The following CCDC171 variants were observed in gnomAD, a reference collection of about 807,000 sequenced individuals.
CCDC171 encodes the protein coiled-coil domain-containing protein 171.
Under a neutral mutation model 168.2 loss-of-function variants are expected in CCDC171, and 177 were observed. The observed-to-expected ratio is 1.05, with a 90% confidence interval of 0.93 to 1.19. The LOEUF is 1.19. Ranked by LOEUF, CCDC171 falls within the 50% of genes most tolerant of loss-of-function variation. CCDC171 has a pLI of 0.00. For synonymous variants in CCDC171, 687 were observed against 540.8 expected, an observed-to-expected ratio of 1.27 and a Z score of -3.75; for missense variants, 1,991 against 1,539.0, an observed-to-expected ratio of 1.29 and a Z score of -4.91.
chr9:16,001,613 C>G (rs1403844529), intron 3 of CCDC171, among the ~76,000 whole-genome samples: 1 of 151,762 alleles, frequency 6.6e-6, no homozygotes, highest in African/African-American at 2.4e-5. Context: ...GATGGTGGTC[C>G]CAATGGTGGT....
At chr9:15,761,204 A>C (rs2056427243) in intron 18 of CCDC171, among the ~76,000 whole-genome samples, 1 of 152,290 alleles carries the variant, frequency 6.6e-6, no homozygotes, top group East Asian at 1.9e-4. Context: ...AGATGACCCA[A>C]ATATACCCCT....
chr9:15,986,718 T>C (rs1927702), intron 3 of CCDC171, among the ~76,000 whole-genome samples: 75,250 of 151,998 alleles, frequency 0.5, 20,027 homozygotes, highest in African/African-American at 0.71. Context: ...GAGAACTTTC[T>C]TGCTGACTTA....
chr9:15,845,060 A>T (rs776557735), intron 21 of CCDC171, among the ~76,000 whole-genome samples: 6 of 152,100 alleles, frequency 3.9e-5, no homozygotes, highest in Admixed American at 6.6e-5. Flanking sequence ...CATTAGTTTG[A>T]TCTTCATATT....
At chr9:15,887,969 G>C (rs1325799621) in intron 24 of CCDC171, 1 of 152,178 alleles carries the variant, frequency 6.6e-6, no homozygotes, top group Non-Finnish European at 1.5e-5. Context: ...GTATGAGAGA[G>C]GGCCCTCAAG....
intron 21 of CCDC171, among the ~76,000 whole-genome samples, chr9:15,845,144 C>A (rs1206846613): frequency 6.6e-5 from 10 of 151,998 alleles, no homozygotes; most frequent in Admixed American, 6.6e-4. Flanking sequence ...AAGGATTTTA[C>A]TTTTTTAAAT....
intron 11 of CCDC171, among the ~76,000 whole-genome samples, chr9:15,700,577 G>C (rs2051646606): frequency 1.3e-5 from 2 of 152,260 alleles, no homozygotes; most frequent in African/African-American, 4.8e-5. Flanking sequence ...CGAGGGCTGT[G>C]AGGACTGCCA....
At chr9:15,677,927 A>ATATATATATATATATAT (rs1491415268) in intron 9 of CCDC171, among the ~76,000 whole-genome samples, 3 of 29,268 alleles carry the variant, frequency 1.0e-4, no homozygotes, top group Non-Finnish European at 1.7e-4. Flanking sequence ...TATATATATA[A>ATATATATATATATATAT]GAGATGTGGT....
At chr9:15,650,232 C>T (rs2047400575) in intron 7 of CCDC171, among the ~76,000 whole-genome samples, 1 of 152,074 alleles carries the variant, frequency 6.6e-6, no homozygotes, top group South Asian at 2.1e-4. Context: ...GGGAACATCA[C>T]ACACCGGGGC....
intron 21 of CCDC171, among the ~76,000 whole-genome samples, chr9:15,822,079 T>G (rs201155494): frequency 9.2e-5 from 14 of 152,164 alleles, no homozygotes; most frequent in African/African-American, 2.4e-4. Context: ...ACAAGAAATG[T>G]GGAAAGGATT....
At chr9:15,871,905 C>G (rs1282788126) in intron 23 of CCDC171, among the ~76,000 whole-genome samples, 1 of 151,872 alleles carries the variant, frequency 6.6e-6, no homozygotes, top group Non-Finnish European at 1.5e-5. Flanking sequence ...GCTTTCACTC[C>G]CTTTACTCAT....
chr9:15,647,802 G>A (rs1587716154), intron 7 of CCDC171, among the ~76,000 whole-genome samples: 1 of 152,102 alleles, frequency 6.6e-6, no homozygotes, highest in South Asian at 2.1e-4. Flanking sequence ...ATTCACAGCC[G>A]AATTCTGCCA....
chr9:15,934,458 C>G (rs1203412008), intron 25 of CCDC171, among the ~76,000 whole-genome samples: 1 of 150,762 alleles, frequency 6.6e-6, no homozygotes, highest in Non-Finnish European at 1.5e-5. Flanking sequence ...ATCAAAACCA[C>G]AGTGAGATGC....
intron 7 of CCDC171, among the ~76,000 whole-genome samples, chr9:15,633,404 CA>C (rs1350317575): frequency 4.6e-5 from 7 of 152,022 alleles, no homozygotes; most frequent in Admixed American, 1.3e-4. Context: ...TTTATGCAGC[CA>C]AAAAAACACA....
intron 3 of CCDC171, among the ~76,000 whole-genome samples, chr9:16,012,972 A>T (rs900326652): frequency 1.3e-5 from 2 of 152,140 alleles, no homozygotes; most frequent in Non-Finnish European, 2.9e-5. Flanking sequence ...GTTTTCCTGC[A>T]TGGTACTTCG....
intron 9 of CCDC171, among the ~76,000 whole-genome samples, chr9:15,677,823 A>C (rs2049704692): frequency 7.5e-6 from 1 of 133,628 alleles, no homozygotes; most frequent in Non-Finnish European, 1.6e-5. Flanking sequence ...ACACACGCGC[A>C]CACACACAAA....
intron 3 of CCDC171, among the ~76,000 whole-genome samples, chr9:16,019,174 G>A (rs1161239107): frequency 2.6e-5 from 4 of 152,172 alleles, no homozygotes; most frequent in Non-Finnish European, 5.9e-5. Flanking sequence ...TGCACTAGGG[G>A]AAGATTTCTG....
chr9:16,062,531 C>A (rs1033700143), downstream of CCDC171, among the ~76,000 whole-genome samples: 1 of 151,934 alleles, frequency 6.6e-6, no homozygotes, highest in Non-Finnish European at 1.5e-5. Flanking sequence ...CAAACCTGCC[C>A]CTGTATGCCC....
chr9:15,577,306 C>G (rs1337313172), intron 3 of CCDC171, among the ~76,000 whole-genome samples: 1 of 152,116 alleles, frequency 6.6e-6, no homozygotes, highest in Non-Finnish European at 1.5e-5. Flanking sequence ...TTTGTAAATT[C>G]TCTAGTATAG....
chr9:15,935,076 C>G (rs530758922), intron 25 of CCDC171, among the ~76,000 whole-genome samples: 1 of 152,194 alleles, frequency 6.6e-6, no homozygotes, highest in East Asian at 1.9e-4. Context: ...GGTTCTGGAA[C>G]TACATGGTGG....
Sources: gnomAD v4.1 joint callset for allele counts (sites outside exome capture counted in the v4.1 genomes callset) on GRCh38, gnomAD v4.1.1 for gene constraint, MANE v1.5 for transcripts, NCBI Gene and HGNC (gene_info 2026-07-23, HGNC 2026-07-21) for gene names.